Variants in STXBP5L observed in about 807,000 individuals in gnomAD.
The protein encoded by STXBP5L is syntaxin-binding protein 5-like.
STXBP5L carries 65 observed loss-of-function variants against 144.5 expected under a neutral mutation model. The ratio of observed to expected loss-of-function variants is 0.45; its 90% CI spans 0.37 to 0.55. The LOEUF is 0.55. Among genes scored for constraint, STXBP5L ranks in the 20% least tolerant of loss-of-function variants. The pLI, the probability that STXBP5L is intolerant of heterozygous loss-of-function variation, is 0.00. For synonymous variants in STXBP5L, 505 were observed against 469.6 expected (o/e 1.08, Z -0.97); for missense variants, 1,298 against 1,405.5 (o/e 0.92, Z 1.22).
chr3:121,221,506 T>A (rs1001064635), intron 10 of STXBP5L, among the ~76,000 whole-genome samples: 1 of 151,624 alleles, frequency 6.6e-6, no homozygotes, highest in African/African-American at 2.4e-5. Context: ...GAAAAGATAC[T>A]ACATTCTCTT....
At chr3:121,295,511 G>GA (rs1371142338) in intron 19 of STXBP5L, among the ~76,000 whole-genome samples, 1 of 151,858 alleles carries the variant, frequency 6.6e-6, no homozygotes, top group Non-Finnish European at 1.5e-5. Context: ...TAATTAGTAG[G>GA]AAAAAATATG....
intron 19 of STXBP5L, among the ~76,000 whole-genome samples, chr3:121,282,573 C>A (rs549322289): frequency 6.6e-6 from 1 of 152,090 alleles, no homozygotes; most frequent in East Asian, 1.9e-4. Context: ...TTATTTCCAA[C>A]CATGCAGACC....
At chr3:121,009,885 C>T (rs954251102) in intron 3 of STXBP5L, among the ~76,000 whole-genome samples, 1 of 151,856 alleles carries the variant, frequency 6.6e-6, no homozygotes, top group Admixed American at 6.6e-5. Context: ...GACATCATGG[C>T]CTTGCTCAAG....
In STXBP5L at chr3:121,398,020, A is replaced by T. The variant is rs147886547; in HGVS notation, c.2588-9223A>T. Among the ~76,000 whole-genome samples the T allele has an allele frequency of 6.1e-3, 932 of 152,314 alleles. 8 individuals are homozygous for T. Among genetic ancestry groups the T allele is most frequent in the African/African-American group, 0.021 (859 of 41,572 alleles). ...CGTTTATCAGTAATTTGATTTACCC[A>T]ATAAGCAGCTTTGCCTTGTTTATTT... On this transcript the variant is annotated intron_variant, in intron 22 of 26. Coordinates refer to ENST00000471454, the MANE Select transcript of STXBP5L (RefSeq NM_001308330.2).
At chr3:121,376,609 A>G (rs899335904) in intron 20 of STXBP5L, among the ~76,000 whole-genome samples, 1 of 152,200 alleles carries the variant, frequency 6.6e-6, no homozygotes, top group African/African-American at 2.4e-5. Context: ...TTTTGGTGCC[A>G]GTATCATGCT....
chr3:121,254,833 C>A (rs1215339186), intron 15 of STXBP5L, 62 bp from the exon 16 acceptor site: 3 of 1,362,084 alleles, frequency 2.2e-6, no homozygotes, highest in Admixed American at 2.6e-5. Flanking sequence ...ATTGGAAAAG[C>A]TTTAATAACA....
At chr3:121,400,252 G>T (rs946953683) in intron 22 of STXBP5L, among the ~76,000 whole-genome samples, 55 of 152,314 alleles carry the variant, frequency 3.6e-4, no homozygotes, top group African/African-American at 1.1e-3. Context: ...GACTTAGTTT[G>T]TTGGGAGAGA....
chr3:121,375,761 A>G (rs1185110739), intron 20 of STXBP5L, among the ~76,000 whole-genome samples: 1 of 152,196 alleles, frequency 6.6e-6, no homozygotes, highest in Non-Finnish European at 1.5e-5. Context: ...TTCAAACTCT[A>G]TAATACAGTA....
Position 120,998,929 on chromosome 3 carries a change from A to G in STXBP5L, c.288-42771A>G, listed in dbSNP as rs551225210. On this transcript the variant is annotated intron_variant, in intron 3 of 26. Coordinates refer to ENST00000471454, the MANE Select transcript of STXBP5L (RefSeq NM_001308330.2). ...GATAGGAAGAATCAATATTGTTAAG[A>G]TGGTCAATGAATTTCTTGATTTCTG... Among the ~76,000 whole-genome samples, 18 of 152,336 alleles carry G rather than the reference A, an allele frequency of 1.2e-4. 1 individual carries two copies. In the East Asian group the frequency reaches 3.5e-3, roughly 29 times the overall value.
intron 3 of STXBP5L, among the ~76,000 whole-genome samples, chr3:120,982,983 C>T (rs1271704224): frequency 6.6e-6 from 1 of 152,194 alleles, no homozygotes; most frequent in Non-Finnish European, 1.5e-5. Context: ...GGCAGGGTGG[C>T]TGTGCTGTGG....
At chr3:121,091,589 G>T (rs912485164) in intron 5 of STXBP5L, among the ~76,000 whole-genome samples, 1 of 152,170 alleles carries the variant, frequency 6.6e-6, no homozygotes, top group African/African-American at 2.4e-5. Flanking sequence ...TTTGAGAAGT[G>T]TATGTTCATG....
intron 19 of STXBP5L, among the ~76,000 whole-genome samples, chr3:121,312,369 T>TTTGCTTC (rs2043564111): frequency 5.6e-5 from 1 of 17,764 alleles, no homozygotes; most frequent in African/African-American, 3.5e-4. Flanking sequence ...AAAGAGCTTC[T>TTTGCTTC]TTTTTTTTTT....
At chr3:121,161,194 T>C (rs1258573995) in intron 9 of STXBP5L, among the ~76,000 whole-genome samples, 1 of 151,924 alleles carries the variant, frequency 6.6e-6, no homozygotes, top group Admixed American at 6.6e-5. Flanking sequence ...TGAATTCACA[T>C]AGCTTACTTT....
Position 121,238,963 on chromosome 3 carries a change from T to C in STXBP5L, c.1185-8T>C. The C allele has an allele frequency of 6.4e-7, 1 of 1,565,754 alleles. No individual in the cohort carries two copies. The highest frequency in any genetic ancestry group is 1.2e-5 in the South Asian group (1 of 85,830). The stretch of plus-strand genomic sequence containing the variant: ...AAATAACACTGATATATTGTCTTTA[T>C]CTATTAGTTTTCCAATCTTTGAAAA... On this transcript the variant is annotated splice_polypyrimidine_tract_variant and splice_region_variant and intron_variant, in intron 12 of 26. Transcript: ENST00000471454.
rs572241892 is a variant in STXBP5L, at chr3:120,955,166, A to G, written c.287+129A>G. The G allele has an allele frequency of 3.3e-5, 22 of 667,494 alleles. No individual in the cohort carries two copies. The South Asian group carries it at 4.1e-4, about 12-fold the overall frequency. 41.3% of individuals were successfully genotyped at this position (667,494 alleles called of 1,614,324 possible). ...TTTTAAGAAATGAGTAACTATTGTG[A>G]AAAATCTGCACTTTCAAATTTATTG... On this transcript the variant is annotated intron_variant, in intron 3 of 26. Transcript: ENST00000471454.
At chr3:120,991,286 A>G (rs1378241867) in intron 3 of STXBP5L, among the ~76,000 whole-genome samples, 85 of 151,778 alleles carry the variant, frequency 5.6e-4, no homozygotes, top group Middle Eastern at 3.4e-3. Context: ...ATGAGATACC[A>G]TCTCACACCA....
intron 9 of STXBP5L, among the ~76,000 whole-genome samples, chr3:121,161,217 A>G (rs1286097470): frequency 6.8e-6 from 1 of 147,912 alleles, no homozygotes; most frequent in Non-Finnish European, 1.5e-5. Context: ...CTGGAAGTTC[A>G]GTTTTGTTTT....
At chr3:121,375,569 A>G (rs1157359489) in intron 20 of STXBP5L, among the ~76,000 whole-genome samples, 1 of 152,196 alleles carries the variant, frequency 6.6e-6, no homozygotes, top group Non-Finnish European at 1.5e-5. Flanking sequence ...AGAAAAAAAC[A>G]CCTACATTGC....
chr3:121,015,901 G>T (rs1014429471), intron 3 of STXBP5L, among the ~76,000 whole-genome samples: 4 of 152,060 alleles, frequency 2.6e-5, no homozygotes, highest in Non-Finnish European at 5.9e-5. Context: ...ATTATATCAA[G>T]ACTGAGATTT....
Sources: gnomAD v4.1 joint callset for allele counts (sites outside exome capture counted in the v4.1 genomes callset) on GRCh38, gnomAD v4.1.1 for gene constraint, MANE v1.5 for transcripts, NCBI Gene and HGNC (gene_info 2026-07-23, HGNC 2026-07-21) for gene names.